The following NID2 variants were observed in gnomAD, a reference collection of about 807,000 sequenced individuals.
NID2 encodes nidogen 2, also known as nidogen-2.
NID2 carries 83 observed loss-of-function variants against 145.4 expected under a neutral mutation model. That is an observed-to-expected ratio of 0.57 (90% confidence interval 0.48 to 0.69). NID2 has a LOEUF of 0.69. NID2 is among the 30% of genes least tolerant of loss of function. The pLI is 0.00. For synonymous variants in NID2, 739 were observed against 701.3 expected (o/e 1.05, Z -0.85); for missense variants, 1,807 against 1,765.7 (o/e 1.02, Z -0.42).
At chr14:52,034,752 C>T (rs1891995416) in intron 9 of NID2, among the ~76,000 whole-genome samples, 1 of 152,192 alleles carries the variant, frequency 6.6e-6, no homozygotes, top group Non-Finnish European at 1.5e-5. Context: ...CACTGAGGAG[C>T]TAACTCTGGG....
Position 52,068,581 on chromosome 14 carries a change from G to A in NID2, c.228+186C>T, listed in dbSNP as rs546925687. On this transcript the variant is annotated intron_variant, in intron 1 of 21. Transcript: ENST00000216286. ...GAACAATTCTTGCTCTCCCCTCCAG[G>A]TCATTCTTGCTCCCCTACAGCAGCG... 1.6e-4 allele frequency among the ~76,000 whole-genome samples: 25 copies of A among 152,322 alleles called. No individual in the cohort carries two copies. The South Asian group carries it at 1.7e-3, about 10-fold the overall frequency.
At chr14:52,065,377 A>C (rs1187673198) in intron 2 of NID2, among the ~76,000 whole-genome samples, 1 of 151,996 alleles carries the variant, frequency 6.6e-6, no homozygotes, top group Non-Finnish European at 1.5e-5. Flanking sequence ...CTCAAGTCCC[A>C]GAGCTCTTTA....
At chr14:52,067,788 T>C in intron 2 of NID2, 70 bp downstream of exon 2, 2 of 1,567,256 alleles carry the variant, frequency 1.3e-6, no homozygotes. Flanking sequence ...AGCCAGTCCC[T>C]GGGTCGCTGC....
chr14:52,034,103 T>A (rs1214241776), intron 9 of NID2, among the ~76,000 whole-genome samples: 1 of 152,128 alleles, frequency 6.6e-6, no homozygotes, highest in Non-Finnish European at 1.5e-5. Flanking sequence ...TGGCACCAAG[T>A]AAACCATCCT....
At chr14:52,031,199 G>C (rs147049238) in intron 9 of NID2, among the ~76,000 whole-genome samples, 117 of 151,204 alleles carry the variant, frequency 7.7e-4, no homozygotes, top group African/African-American at 2.7e-3. Context: ...CAGGTAGAAT[G>C]AATCTATCAA....
At chr14:52,050,300 C>T (rs1402191985) in intron 5 of NID2, among the ~76,000 whole-genome samples, 3 of 152,172 alleles carry the variant, frequency 2.0e-5, no homozygotes, top group Non-Finnish European at 4.4e-5. Flanking sequence ...TGTCTCTCTC[C>T]CTCCTTTCCT....
rs990146235 is a variant in NID2 at position 52,042,830 on chromosome 14, G to A, written c.1531C>T (p.His511Tyr). 11 of 1,614,092 alleles carry A rather than the reference G, an allele frequency of 6.8e-6. No homozygotes were observed. Among genetic ancestry groups the A allele is most frequent in the Non-Finnish European group, 9.3e-6 (11 of 1,180,048 alleles). The change falls in exon 6 of 22, where the codon CAC (histidine) becomes TAC (tyrosine). Residue 511 changes from histidine to tyrosine, a missense_variant. Coordinates refer to ENST00000216286, the MANE Select transcript of NID2 (RefSeq NM_007361.4). ...TTTCCATAAAACTTGGATTGGCAGT[G>A]GCAGCAGAAGCCAGTGGCATAGTCC... is the stretch of plus-strand genomic sequence containing the variant. ...CTDYATGFCC[H>Y]CQSKFYGNGK...
Position 52,040,643 on chromosome 14 carries a change from A to G in NID2, c.2026+8T>C, listed in dbSNP as rs201992644. 3.7e-6 allele frequency: 6 copies of G among 1,611,824 alleles called. No individual in the cohort carries two copies. The highest frequency in any genetic ancestry group is 3.3e-5 in the South Asian group (3 of 91,016). On this transcript the variant is annotated splice_region_variant and intron_variant, in intron 8 of 21. Transcript: ENST00000216286. Reference sequence around the variant, plus strand: ...CATTTTACAGATGTGAAGACTGGTTATACATACTGGAGTCGGAGTAGTGGT... The same window carrying G: ...CATTTTACAGATGTGAAGACTGGTTGTACATACTGGAGTCGGAGTAGTGGT...
intron 5 of NID2, among the ~76,000 whole-genome samples, chr14:52,048,632 G>C (rs1420101024): frequency 3.3e-5 from 5 of 152,042 alleles, no homozygotes; most frequent in Middle Eastern, 3.2e-3. Flanking sequence ...AGAAAATTGA[G>C]GCCTACAGAG....
intron 12 of NID2, among the ~76,000 whole-genome samples, chr14:52,023,198 C>T (rs147330764): frequency 1.6e-4 from 24 of 152,206 alleles, no homozygotes; most frequent in Non-Finnish European, 3.1e-4. Context: ...GAAGCTAGGC[C>T]GGGTGTGGTG....
At chr14:52,044,142 G>T (rs1447320291) in intron 5 of NID2, among the ~76,000 whole-genome samples, 1 of 152,016 alleles carries the variant, frequency 6.6e-6, no homozygotes, top group East Asian at 1.9e-4. Flanking sequence ...AAGTAAAGGA[G>T]CTAATGAGAC....
chr14:52,024,722 A>T (rs1418343308), intron 12 of NID2, among the ~76,000 whole-genome samples: 2 of 152,190 alleles, frequency 1.3e-5, no homozygotes, highest in African/African-American at 4.8e-5. Flanking sequence ...TTTGGAAAGA[A>T]TCCTAAAAGC....
chr14:52,005,387 T>A lies in NID2; in HGVS notation c.*99A>T. 1 of 1,226,090 alleles carries A rather than the reference T, an allele frequency of 8.2e-7. No homozygotes were observed. Among genetic ancestry groups the A allele is most frequent in the Non-Finnish European group, 1.1e-6 (1 of 903,714 alleles). 76.0% of individuals were successfully genotyped at this position (1,226,090 alleles called of 1,614,324 possible). Reference sequence around the variant, plus strand: ...ATCTTGGATGCTCAGGAACGTCTAATGGCCAATTCCTTTTTTACTTTCTTT... The same window carrying A: ...ATCTTGGATGCTCAGGAACGTCTAAAGGCCAATTCCTTTTTTACTTTCTTT... On this transcript the variant is annotated 3_prime_UTR_variant, in exon 22 of 22. Transcript: ENST00000216286.
chr14:52,068,220 T>C (rs1893296101), intron 1 of NID2, 57 bp from the exon 2 acceptor site: 3 of 1,526,860 alleles, frequency 2.0e-6, no homozygotes, highest in Non-Finnish European at 2.7e-6. Flanking sequence ...GACGCTACCC[T>C]TTCGCGCAGG....
intron 2 of NID2, among the ~76,000 whole-genome samples, chr14:52,061,496 G>C (rs1270566124): frequency 6.6e-6 from 1 of 152,184 alleles, no homozygotes; most frequent in African/African-American, 2.4e-5. Flanking sequence ...GTAGGACTGG[G>C]AAACAGCCAT....
At chr14:52,034,161 A>G (rs954700530) in intron 9 of NID2, among the ~76,000 whole-genome samples, 4 of 152,164 alleles carry the variant, frequency 2.6e-5, no homozygotes, top group African/African-American at 9.7e-5. Context: ...ATAAAATTCT[A>G]AAGAAAACAA....
intron 5 of NID2, among the ~76,000 whole-genome samples, chr14:52,048,250 A>T (rs753868275): frequency 7.9e-5 from 12 of 152,224 alleles, no homozygotes; most frequent in Non-Finnish European, 1.8e-4. Context: ...CAACGTGAAG[A>T]TTCTTTAGTG....
At chr14:52,051,171 TA>T (rs1472222679) in intron 5 of NID2, among the ~76,000 whole-genome samples, 2 of 128,378 alleles carry the variant, frequency 1.6e-5, no homozygotes, top group Admixed American at 1.5e-4. Context: ...GAAAGGTCTG[TA>T]AAATGAGTCC....
chr14:52,005,105 A>C lies in NID2; in HGVS notation c.*381T>G, dbSNP rs1425391009. 1.1e-5 allele frequency: 2 copies of C among 176,306 alleles called. No homozygotes were observed. The highest frequency in any genetic ancestry group is 4.7e-5 in the African/African-American group (2 of 42,236). The allele number at this position is 176,306 out of a possible 1,614,324, so 10.9% of individuals were successfully genotyped here. ...AGGATTATATTGTTATATTGATCAC[A>C]TGTGCTTTAATTTCTTGGCCAGAAG... On this transcript the variant is annotated 3_prime_UTR_variant, in exon 22 of 22. Transcript: ENST00000216286.
Sources: gnomAD v4.1 joint callset for allele counts (sites outside exome capture counted in the v4.1 genomes callset) on GRCh38, gnomAD v4.1.1 for gene constraint, MANE v1.5 for transcripts, NCBI Gene and HGNC (gene_info 2026-07-23, HGNC 2026-07-21) for gene names.